Variants in LDLRAP1 observed in about 807,000 individuals in gnomAD.
The protein encoded by LDLRAP1 is low density lipoprotein receptor adaptor protein 1.
Under a neutral mutation model 37.8 loss-of-function variants are expected in LDLRAP1, and 30 were observed. The ratio of observed to expected loss-of-function variants is 0.79; its 90% CI spans 0.59 to 1.08. The LOEUF is 1.08. LDLRAP1 is among the 50% of genes least tolerant of loss of function. The pLI is 0.00. For synonymous variants in LDLRAP1, 156 were observed against 169.8 expected (o/e 0.92, Z 0.63); for missense variants, 375 against 401.6 (o/e 0.93, Z 0.57).
downstream of LDLRAP1, among the ~76,000 whole-genome samples, chr1:25,571,190 G>C (rs571590106): frequency 2.0e-4 from 31 of 152,348 alleles, no homozygotes; most frequent in Admixed American, 1.3e-3. Context: ...GAAGACACTG[G>C]AAGCTGCTGG....
chr1:25,570,719 C>T (rs1045646283), downstream of LDLRAP1, among the ~76,000 whole-genome samples: 2 of 151,944 alleles, frequency 1.3e-5, no homozygotes, highest in South Asian at 2.1e-4. Flanking sequence ...ATTAGCCAGG[C>T]GTGGTGGCGG....
chr1:25,589,985 C>A, the LDLRAP1 span, among the ~76,000 whole-genome samples: 1 of 152,234 alleles, frequency 6.6e-6, no homozygotes, highest in East Asian at 1.9e-4. Context: ...CGCCTGTAGT[C>A]CCAGCTACTT....
Position 25,565,283 on chromosome 1 carries a change from C to T in LDLRAP1, c.782+76C>T, listed in dbSNP as rs78059413. 5.6e-3 allele frequency: 8,486 copies of T among 1,519,744 alleles called. 358 individuals carry two copies. In the African/African-American group the frequency reaches 0.092, roughly 17 times the overall value. The allele number at this position is 1,519,744 out of a possible 1,614,324, so 94.1% of individuals were successfully genotyped here. On this transcript the variant is annotated intron_variant, in intron 8 of 8. Coordinates refer to ENST00000374338, the MANE Select transcript of LDLRAP1 (RefSeq NM_015627.3). ...CCCTGCTGCCCTTTCTCCTGGGGAC[C>T]TTTCCCCTGATTAAGAACACAAGCC...
intron 6 of LDLRAP1, 21 bp downstream of exon 6, chr1:25,563,174 G>A (rs368069310): frequency 1.3e-5 from 21 of 1,610,292 alleles, no homozygotes; most frequent in Admixed American, 1.7e-5. Flanking sequence ...ACGGGGAAGG[G>A]GGATTGGCCA....
At chr1:25,546,318 C>G (rs769385293) in intron 1 of LDLRAP1, among the ~76,000 whole-genome samples, 8 of 152,200 alleles carry the variant, frequency 5.3e-5, no homozygotes, top group Non-Finnish European at 8.8e-5. Context: ...AAGGTCCTCA[C>G]TAGGATTAGC....
chr1:25,569,438 CAG>C (rs2044571831), downstream of LDLRAP1, among the ~76,000 whole-genome samples: 1 of 152,070 alleles, frequency 6.6e-6, no homozygotes, highest in South Asian at 2.1e-4. Flanking sequence ...TTGAGAGACT[CAG>C]GGTCTAGCCC....
At chr1:25,547,451 C>T (rs913030910) in intron 1 of LDLRAP1, among the ~76,000 whole-genome samples, 1 of 151,672 alleles carries the variant, frequency 6.6e-6, no homozygotes, top group Non-Finnish European at 1.5e-5. Flanking sequence ...CCACTGCACT[C>T]CAGCCTGGGG....
chr1:25,583,035 G>A, the LDLRAP1 span, among the ~76,000 whole-genome samples: 3 of 151,798 alleles, frequency 2.0e-5, no homozygotes, highest in South Asian at 6.2e-4. Context: ...TCGTGCCACT[G>A]CACTCCAGCT....
At chr1:25,570,559 G>A (rs2044590583), downstream of LDLRAP1, among the ~76,000 whole-genome samples, 1 of 152,098 alleles carries the variant, frequency 6.6e-6, no homozygotes, top group Non-Finnish European at 1.5e-5. Context: ...GTGCCCGTTT[G>A]TATATTAAGA....
chr1:25,562,742 G>A (rs1230417700), intron 5 of LDLRAP1, 26 bp downstream of exon 5: 3 of 1,606,036 alleles, frequency 1.9e-6, no homozygotes, highest in Non-Finnish European at 2.6e-6. Flanking sequence ...TACATTGTGG[G>A]TGTGGTGGGA....
Position 25,543,666 on chromosome 1 carries a change from C to T in LDLRAP1, c.-33C>T, listed in dbSNP as rs1204998368. Reference sequence around the variant, plus strand: ...AAAGTTTTTCCTGACGGAGTTTTGGCTGCGGCAGCGGCGGCGGCGGCCGGA... The same window carrying T: ...AAAGTTTTTCCTGACGGAGTTTTGGTTGCGGCAGCGGCGGCGGCGGCCGGA... On this transcript the variant is annotated 5_prime_UTR_variant, in exon 1 of 9. Transcript: ENST00000374338. The T allele has an allele frequency of 9.9e-6, 12 of 1,206,056 alleles. No homozygotes were observed. The highest frequency in any genetic ancestry group is 1.1e-5 in the Non-Finnish European group (11 of 970,288). 74.7% of individuals were successfully genotyped at this position (1,206,056 alleles called of 1,614,324 possible).
At chr1:25,546,744 A>G (rs2043943029) in intron 1 of LDLRAP1, among the ~76,000 whole-genome samples, 2 of 152,236 alleles carry the variant, frequency 1.3e-5, no homozygotes, top group South Asian at 4.1e-4. Flanking sequence ...GGAGGATATA[A>G]TCATATTTAT....
At chr1:25,558,299 C>T (rs911577831) in intron 4 of LDLRAP1, among the ~76,000 whole-genome samples, 1 of 152,200 alleles carries the variant, frequency 6.6e-6, no homozygotes, top group Non-Finnish European at 1.5e-5. Flanking sequence ...ACAAGATCCC[C>T]TTCCCTCCCC....
chr1:25,566,813 C>T (rs1480067368), intron 8 of LDLRAP1, 35 bp from the exon 9 acceptor site: 3 of 1,594,382 alleles, frequency 1.9e-6, no homozygotes, highest in Non-Finnish European at 2.6e-6. Context: ...CCAGCCCTCA[C>T]CCAGGCTCTC....
At chr1:25,584,791 T>G in the LDLRAP1 span, among the ~76,000 whole-genome samples, 1 of 152,172 alleles carries the variant, frequency 6.6e-6, no homozygotes, top group Non-Finnish European at 1.5e-5. Context: ...GGGGCCTGTC[T>G]TCAGGATTTG....
chr1:25,562,989 G>T (rs997117818), intron 5 of LDLRAP1, 81 bp from the exon 6 acceptor site: 1 of 1,381,204 alleles, frequency 7.2e-7, no homozygotes, highest in African/African-American at 1.4e-5. Flanking sequence ...GTTGGCCACC[G>T]CTAATCACCC....
chr1:25,577,715 G>A, the LDLRAP1 span, among the ~76,000 whole-genome samples: 1 of 152,224 alleles, frequency 6.6e-6, no homozygotes, highest in African/African-American at 2.4e-5. Flanking sequence ...GAGGCCTGGC[G>A]CCGGGTGGCA....
intron 4 of LDLRAP1, 113 bp downstream of exon 4, chr1:25,557,380 A>C: frequency 2.5e-6 from 2 of 808,060 alleles, no homozygotes; most frequent in Non-Finnish European, 4.2e-6. Flanking sequence ...ATTACTTAAG[A>C]AGAGGGTGAA....
the LDLRAP1 span, among the ~76,000 whole-genome samples, chr1:25,580,014 T>C: frequency 6.6e-6 from 1 of 152,274 alleles, no homozygotes; most frequent in East Asian, 1.9e-4. Context: ...AAGGAACTTA[T>C]TGGAAAGACA....
Sources: allele counts gnomAD v4.1 joint callset (sites outside exome capture counted in the v4.1 genomes callset), GRCh38; gene constraint gnomAD v4.1.1; transcripts MANE v1.5; gene names NCBI Gene and HGNC (gene_info 2026-07-23, HGNC 2026-07-21).